The following RBM44 variants were observed in gnomAD, a reference collection of about 807,000 sequenced individuals.
RBM44 encodes the protein RNA-binding protein 44.
Under a neutral mutation model 105.1 loss-of-function variants are expected in RBM44, and 66 were observed. The observed-to-expected ratio is 0.63, with a 90% CI of 0.52 to 0.77. The LOEUF is 0.77. Among genes scored for constraint, RBM44 ranks in the 30% least tolerant of loss-of-function variants. The probability of loss-of-function intolerance (pLI) is 0.00; values close to 1 mark genes in which losing one functional copy is unlikely to be tolerated. For synonymous variants in RBM44, 365 were observed against 417.6 expected (o/e 0.87, Z 1.54); for missense variants, 1,122 against 1,207.8 (o/e 0.93, Z 1.05).
Position 237,818,030 on chromosome 2 carries a change from C to CA in RBM44, c.1111_1112insA (p.Leu371HisfsTer5). 1 of 1,612,696 alleles carries CA rather than the reference C, an allele frequency of 6.2e-7. No individual in the cohort carries two copies. The highest frequency in any genetic ancestry group is 1.1e-5 in the South Asian group (1 of 91,036). ...ACAGGATAAAGCTTTAGAGACATTA[C>CA]TCCAACCCTGTAAAGATTGTCAAAC... is the stretch of plus-strand genomic sequence containing the variant. On this transcript the variant is annotated frameshift_variant, in exon 3 of 16. Transcript: ENST00000316997. LOFTEE classifies it high-confidence loss of function. The surrounding 1 kb of genome is among the most constrained non-coding windows in gnomAD (Gnocchi z 4.6).
chr2:237,820,427 A>G lies in RBM44; in HGVS notation c.1913+76A>G, dbSNP rs537765528. 6.2e-5 allele frequency: 58 copies of G among 932,862 alleles called. No individual in the cohort carries two copies. In the South Asian group the frequency reaches 1.1e-3, roughly 18 times the overall value. 57.8% of individuals were successfully genotyped at this position (932,862 alleles called of 1,614,324 possible). A position where few individuals can be genotyped will look rare whatever the true frequency, so the allele number is the denominator to read the frequency against. On this transcript the variant is annotated intron_variant, in intron 5 of 15. Transcript: ENST00000316997. ...TAAGTTTATTCTAGAGAGTTTCTCT[A>G]ATTTTCATTTTTGAAGAGTAAAATG...
rs748456196 is a variant in RBM44 at position 237,842,607 on chromosome 2, A to T, written c.*791A>T. On this transcript the variant is annotated 3_prime_UTR_variant, in exon 16 of 16. Transcript: ENST00000316997. The stretch of plus-strand genomic sequence containing the variant: ...GAAATATAGAATAGATAGTTCTTTA[A>T]TTGCTTACTTTTTAAAAGTAATATA... The T allele has an allele frequency of 6.6e-6, 1 of 152,112 alleles. No homozygotes were observed. The highest frequency in any genetic ancestry group is 1.5e-5 in the Non-Finnish European group (1 of 67,966). 9.4% of individuals were successfully genotyped at this position (152,112 alleles called of 1,614,324 possible). A position where few individuals can be genotyped will look rare whatever the true frequency, so the allele number is the denominator to read the frequency against.
At chr2:237,815,853 C>T (rs2061709506) in intron 2 of RBM44, among the ~76,000 whole-genome samples, 1 of 151,832 alleles carries the variant, frequency 6.6e-6, no homozygotes, top group Admixed American at 6.6e-5. Context: ...TGTTTTGGTA[C>T]CTGCCTTTTT....
chr2:237,804,508 T>C (rs915867234), intron 1 of RBM44, among the ~76,000 whole-genome samples: 1 of 152,236 alleles, frequency 6.6e-6, no homozygotes, highest in Non-Finnish European at 1.5e-5. Flanking sequence ...ATTAATTACA[T>C]TGTGGTTTTG....
At chr2:237,836,867 C>T (rs1047647394) in intron 15 of RBM44, among the ~76,000 whole-genome samples, 1 of 151,746 alleles carries the variant, frequency 6.6e-6, no homozygotes, top group Non-Finnish European at 1.5e-5. Context: ...TGGCCTTAAG[C>T]AATTCTCCCA....
intron 1 of RBM44, among the ~76,000 whole-genome samples, chr2:237,804,269 A>T (rs1480362608): frequency 1.3e-5 from 2 of 152,214 alleles, no homozygotes; most frequent in Admixed American, 6.5e-5. Flanking sequence ...GTACAAGTGC[A>T]TGTGTCTTTT....
At chr2:237,804,249 A>G (rs915814351) in intron 1 of RBM44, among the ~76,000 whole-genome samples, 4 of 152,216 alleles carry the variant, frequency 2.6e-5, no homozygotes, top group Admixed American at 6.5e-5. Flanking sequence ...TGAATAGCAC[A>G]GTGATGAATG....
Position 237,818,378 on chromosome 2 carries a change from A to T in RBM44, c.1459A>T (p.Arg487Ter). ...CACAACCAGCAGGGCAACAAGTGCA[A>T]GACCTTCTGTAGTATCTACATCAAG... ...CFTTSRATSA[R>*]PSVVSTSSNT... Residue 487 changes from arginine (R) to a stop codon, truncating the protein, a stop_gained, in exon 3 of 16, where the codon AGA (arginine) becomes TGA (stop). Coordinates refer to ENST00000316997, the MANE Select transcript of RBM44 (RefSeq NM_001080504.3). LOFTEE classifies it high-confidence loss of function. This position sits in a 1 kb window ranked among gnomAD's most constrained non-coding sequence, Gnocchi z 4.6. The T allele has an allele frequency of 1.2e-6, 2 of 1,613,096 alleles. No homozygotes were observed. Among genetic ancestry groups the T allele is most frequent in the Non-Finnish European group, 8.5e-7 (1 of 1,179,458 alleles).
intron 9 of RBM44, among the ~76,000 whole-genome samples, chr2:237,823,781 G>A (rs1183279699): frequency 1.3e-5 from 2 of 151,926 alleles, no homozygotes; most frequent in African/African-American, 4.8e-5. Flanking sequence ...TATTCTTCTG[G>A]TTCATGTTTT....
chr2:237,823,814 A>G (rs959336519), intron 9 of RBM44, among the ~76,000 whole-genome samples: 3 of 152,092 alleles, frequency 2.0e-5, no homozygotes, highest in African/African-American at 4.8e-5. Flanking sequence ...TCTCTCTTGT[A>G]TCTAATTTGT....
chr2:237,808,781 A>G (rs1440500969), intron 1 of RBM44, among the ~76,000 whole-genome samples: 1 of 152,162 alleles, frequency 6.6e-6, no homozygotes, highest in African/African-American at 2.4e-5. Context: ...ATAAATAAAG[A>G]TCTACCTCTT....
intron 1 of RBM44, among the ~76,000 whole-genome samples, chr2:237,812,850 A>C (rs914702732): frequency 9.9e-5 from 15 of 152,184 alleles, no homozygotes; most frequent in African/African-American, 3.6e-4. Context: ...TTCATGTGGC[A>C]GCTGGGTTCA....
In RBM44 at chr2:237,829,259, A is replaced by G. The variant is rs1410029359; in HGVS notation, c.2643A>G (p.Ile881Met). 1 of 1,612,856 alleles carries G rather than the reference A, an allele frequency of 6.2e-7. No individual in the cohort carries two copies. Among genetic ancestry groups the G allele is most frequent in the Non-Finnish European group, 8.5e-7 (1 of 1,179,266 alleles). ...TTACAAAAAACAGCGATGCAAAGAT[A>G]GCTGTGAAAGAAATGAATGGGATAG... ...LAFTKNSDAKIAVKEMNGIEI... is the reference protein window; with the variant it reads ...LAFTKNSDAKMAVKEMNGIEI... The change falls in exon 13 of 16, where the codon ATA becomes ATG. Residue 881 changes from isoleucine to methionine, a missense_variant. Ile to Met is a conservative substitution (Grantham distance 10). Around this residue, in one of 3 missense-constraint regions of RBM44, gnomAD observed 194 missense variants for 225.5 expected, o/e 0.86. Transcript: ENST00000316997.
rs2061749619 is a variant in RBM44, at chr2:237,818,647, G to GTATGC, written c.1677+54_1677+58dup. 2 of 1,234,034 alleles carry GTATGC rather than the reference G, an allele frequency of 1.6e-6. No individual in the cohort carries two copies. The highest frequency in any genetic ancestry group is 2.2e-6 in the Non-Finnish European group (2 of 911,642). The allele number at this position is 1,234,034 out of a possible 1,614,324, so 76.4% of individuals were successfully genotyped here. A position where few individuals can be genotyped will look rare whatever the true frequency, so the allele number is the denominator to read the frequency against. ...AATTTGGACTTTATAAAGAGACAGT[G>GTATGC]TATGCTAATGTAAGTGTTTTTGGTT... On this transcript the variant is annotated intron_variant, in intron 3 of 15. Coordinates refer to ENST00000316997, the MANE Select transcript of RBM44 (RefSeq NM_001080504.3). The surrounding 1 kb of genome is among the most constrained non-coding windows in gnomAD (Gnocchi z 4.6).
At chr2:237,826,532 T>C (rs975465805) in intron 10 of RBM44, among the ~76,000 whole-genome samples, 1 of 152,154 alleles carries the variant, frequency 6.6e-6, no homozygotes. Context: ...GCTATTATAT[T>C]GCCCAATTAA....
chr2:237,827,106 T>C (rs1390767389), intron 10 of RBM44, 144 bp from the exon 11 acceptor site: 1 of 600,630 alleles, frequency 1.7e-6, no homozygotes, highest in African/African-American at 1.9e-5. Context: ...GTCCTCAGTC[T>C]AGAAGTGCTG....
At chr2:237,821,050 G>T in intron 5 of RBM44, 21 bp from the exon 6 acceptor site, 1 of 1,559,126 alleles carries the variant, frequency 6.4e-7, no homozygotes, top group South Asian at 1.2e-5. Context: ...ATTTAGTTTT[G>T]TGCACTCAAC....
intron 13 of RBM44, among the ~76,000 whole-genome samples, chr2:237,832,584 T>C (rs1251183256): frequency 6.6e-6 from 1 of 152,224 alleles, no homozygotes; most frequent in Non-Finnish European, 1.5e-5. Context: ...AGAGACGTTA[T>C]AAAGAGGGCC....
intron 2 of RBM44, among the ~76,000 whole-genome samples, chr2:237,815,664 T>C (rs1215668926): frequency 6.6e-6 from 1 of 152,064 alleles, no homozygotes; most frequent in Non-Finnish European, 1.5e-5. Context: ...CACATACATA[T>C]ATGTATGTGT....
Sources: gnomAD v4.1 joint callset for allele counts (sites outside exome capture counted in the v4.1 genomes callset) on GRCh38, gnomAD v4.1.1 for gene constraint, gnomAD v4.1.1 regional missense constraint, Gnocchi (gnomAD v3.1) non-coding constraint, MANE v1.5 for transcripts, NCBI Gene and HGNC (gene_info 2026-07-23, HGNC 2026-07-21) for gene names.